Variants in PPHLN1 observed in about 807,000 individuals in gnomAD.
PPHLN1 encodes the protein periphilin-1.
Under a neutral mutation model 51.3 loss-of-function variants are expected in PPHLN1, and 29 were observed. That is an observed-to-expected ratio of 0.57 (90% confidence interval 0.42 to 0.77). The LOEUF is 0.77. Ranked by LOEUF, PPHLN1 falls within the 30% of genes least tolerant of loss-of-function variation. The pLI, the probability that PPHLN1 is intolerant of heterozygous loss-of-function variation, is 0.00. For missense variants in PPHLN1, 436 were observed against 438.4 expected (o/e 0.99, Z 0.05); for synonymous variants, 147 against 147.8 (o/e 0.99, Z 0.04).
At chr12:42,345,056 A>G (rs1470384072) in intron 2 of PPHLN1, among the ~76,000 whole-genome samples, 2 of 152,148 alleles carry the variant, frequency 1.3e-5, no homozygotes, top group Non-Finnish European at 2.9e-5. Flanking sequence ...TCAAATAACC[A>G]TCAACTTGGT....
chr12:42,437,457 C>A (rs1159615452), intron 9 of PPHLN1, among the ~76,000 whole-genome samples: 5 of 152,152 alleles, frequency 3.3e-5, no homozygotes, highest in African/African-American at 1.2e-4. Context: ...GAAACTCGGG[C>A]ACAAAAGTTA....
intron 2 of PPHLN1, among the ~76,000 whole-genome samples, chr12:42,342,131 C>T (rs78970177): frequency 0.021 from 3,256 of 152,264 alleles, 127 homozygotes; most frequent in African/African-American, 0.075. Flanking sequence ...ACCTGTAAAG[C>T]TCTTGTTTTT....
At chr12:42,391,203 A>C (rs2077675459) in intron 7 of PPHLN1, among the ~76,000 whole-genome samples, 1 of 152,122 alleles carries the variant, frequency 6.6e-6, no homozygotes, top group African/African-American at 2.4e-5. Context: ...TCGAATGTGC[A>C]GAGAGAATGA....
At chr12:42,329,615 T>C (rs1169916815) in intron 1 of PPHLN1, among the ~76,000 whole-genome samples, 1 of 152,120 alleles carries the variant, frequency 6.6e-6, no homozygotes, top group African/African-American at 2.4e-5. Context: ...ATACTACTAG[T>C]AGAAATATTA....
intron 4 of PPHLN1, among the ~76,000 whole-genome samples, chr12:42,363,420 T>C (rs1479999994): frequency 1.3e-5 from 2 of 151,628 alleles, no homozygotes; most frequent in African/African-American, 4.8e-5. Context: ...GGCCTATTAC[T>C]GGCAGTGGAA....
chr12:42,426,587 T>C (rs1210482297), intron 9 of PPHLN1, among the ~76,000 whole-genome samples: 1 of 152,234 alleles, frequency 6.6e-6, no homozygotes, highest in Non-Finnish European at 1.5e-5. Context: ...TATATGAAAA[T>C]GTTAAGTTAG....
intron 2 of PPHLN1, among the ~76,000 whole-genome samples, chr12:42,348,147 G>A (rs1164263620): frequency 6.6e-6 from 1 of 151,424 alleles, no homozygotes; most frequent in African/African-American, 2.4e-5. Flanking sequence ...GTCTTGCTCT[G>A]TTGCCCCAGC....
At chr12:42,349,625 C>T (rs1418856287) in intron 2 of PPHLN1, among the ~76,000 whole-genome samples, 2 of 152,082 alleles carry the variant, frequency 1.3e-5, no homozygotes, top group Admixed American at 6.5e-5. Context: ...GAGCATGCTG[C>T]CTTCAGGCAT....
chr12:42,380,439 C>A (rs1290064738), intron 5 of PPHLN1, among the ~76,000 whole-genome samples: 2 of 151,800 alleles, frequency 1.3e-5, no homozygotes, highest in Non-Finnish European at 2.9e-5. Context: ...TTAATTCTTT[C>A]AAAAAATACA....
chr12:42,368,630 C>T (rs1487512494), intron 4 of PPHLN1, among the ~76,000 whole-genome samples: 2 of 152,064 alleles, frequency 1.3e-5, no homozygotes, highest in African/African-American at 4.8e-5. Context: ...ATGTGTTTCT[C>T]AAAGTTATTT....
At chr12:42,332,961 C>T (rs1247504147) in intron 1 of PPHLN1, among the ~76,000 whole-genome samples, 1 of 152,086 alleles carries the variant, frequency 6.6e-6, no homozygotes, top group Non-Finnish European at 1.5e-5. Flanking sequence ...CAGTTACATA[C>T]TTTTGTAATA....
At chr12:42,437,794 C>T (rs191201686) in intron 9 of PPHLN1, among the ~76,000 whole-genome samples, 243 of 152,298 alleles carry the variant, frequency 1.6e-3, no homozygotes, top group African/African-American at 5.7e-3. Flanking sequence ...CAGTCCCATA[C>T]AGCATAATTT....
chr12:42,446,574 G>T (rs1566064125), downstream of PPHLN1: 1 of 1,612,610 alleles, frequency 6.2e-7, no homozygotes, highest in South Asian at 1.1e-5. Flanking sequence ...TTTGTCTCTT[G>T]TTGTTTACTA....
intron 8 of PPHLN1, among the ~76,000 whole-genome samples, chr12:42,394,939 A>G (rs1415297158): frequency 6.6e-6 from 1 of 152,138 alleles, no homozygotes; most frequent in Non-Finnish European, 1.5e-5. Context: ...ACTTTCAAAA[A>G]GAATAATTTC....
At chr12:42,437,038 AT>A (rs2139947806) in intron 9 of PPHLN1, among the ~76,000 whole-genome samples, 1 of 152,298 alleles carries the variant, frequency 6.6e-6, no homozygotes, top group Non-Finnish European at 1.5e-5. Flanking sequence ...CAAAGCATAG[AT>A]TCTTGCTCAT....
At chr12:42,335,687 GTT>G (rs10648343) in intron 1 of PPHLN1, among the ~76,000 whole-genome samples, 194 bp from the exon 2 acceptor site, 33 of 113,682 alleles carry the variant, frequency 2.9e-4, no homozygotes, top group African/African-American at 8.1e-4. Flanking sequence ...GGCTTTCCGT[GTT>G]TTTTTTTTTT....
intron 9 of PPHLN1, among the ~76,000 whole-genome samples, chr12:42,436,922 A>C (rs1025910256): frequency 2.0e-5 from 3 of 152,222 alleles, no homozygotes; most frequent in African/African-American, 7.2e-5. Context: ...CAGGTAACTG[A>C]AATCTCAGAT....
intron 9 of PPHLN1, among the ~76,000 whole-genome samples, chr12:42,426,007 C>G (rs1044056055): frequency 1.3e-5 from 2 of 152,218 alleles, no homozygotes; most frequent in African/African-American, 4.8e-5. Flanking sequence ...GCATAAGTAG[C>G]TTACAGAATA....
At chr12:42,421,194 G>A (rs2080973846) in intron 9 of PPHLN1, among the ~76,000 whole-genome samples, 1 of 152,136 alleles carries the variant, frequency 6.6e-6, no homozygotes, top group South Asian at 2.1e-4. Flanking sequence ...AGGCTCTGAG[G>A]TAGTTAAAAA....
Sources: allele counts gnomAD v4.1 joint callset (sites outside exome capture counted in the v4.1 genomes callset), GRCh38; gene constraint gnomAD v4.1.1; transcripts MANE v1.5; gene names NCBI Gene and HGNC (gene_info 2026-07-23, HGNC 2026-07-21).